Variants in GAPVD1 observed in about 807,000 individuals in gnomAD.
GAPVD1 encodes the protein GTPase activating protein and VPS9 domains 1, also known as GTPase-activating protein and VPS9 domain-containing protein 1.
Under a neutral mutation model 155.5 loss-of-function variants are expected in GAPVD1, and 35 were observed. That is an observed-to-expected ratio of 0.23 (90% CI 0.17 to 0.30). The LOEUF is 0.30. Among genes scored for constraint, GAPVD1 ranks in the 10% least tolerant of loss-of-function variants. The pLI is 1.00. For missense variants in GAPVD1, 1,429 were observed against 1,775.7 expected (o/e 0.80, Z 3.51); for synonymous variants, 636 against 619.7 (o/e 1.03, Z -0.39).
intron 8 of GAPVD1, 179 bp downstream of exon 8, chr9:125,308,059 T>C: frequency 1.6e-6 from 1 of 609,324 alleles, no homozygotes; most frequent in East Asian, 2.7e-5. Context: ...TTATCAGTAG[T>C]CTTTAGCTTT....
chr9:125,314,213 T>C (rs1175894256), intron 9 of GAPVD1, among the ~76,000 whole-genome samples: 1 of 152,216 alleles, frequency 6.6e-6, no homozygotes, highest in East Asian at 1.9e-4. Context: ...TTGAGATGTA[T>C]TTTGAGATAC....
At chr9:125,273,284 A>T (rs769136436) in intron 2 of GAPVD1, among the ~76,000 whole-genome samples, 1 of 152,120 alleles carries the variant, frequency 6.6e-6, no homozygotes, top group Non-Finnish European at 1.5e-5. Flanking sequence ...ATGGGGTATA[A>T]TTTTAATGCC....
At chr9:125,357,266 C>T (rs998823214) in intron 25 of GAPVD1, among the ~76,000 whole-genome samples, 2 of 152,146 alleles carry the variant, frequency 1.3e-5, no homozygotes, top group African/African-American at 4.8e-5. Context: ...CTAATATATG[C>T]TCATTATATA....
At chr9:125,345,242 G>A (rs1024696885) in intron 19 of GAPVD1, among the ~76,000 whole-genome samples, 13 of 151,106 alleles carry the variant, frequency 8.6e-5, no homozygotes, top group African/African-American at 1.9e-4. Flanking sequence ...GTGCAGTGGC[G>A]CGATCTCAGC....
rs1841094674 is a variant in GAPVD1 at position 125,302,701 on chromosome 9, G to C, written c.904G>C (p.Val302Leu). 6.2e-7 allele frequency: 1 copy of C among 1,610,632 alleles called. No individual in the cohort carries two copies. The highest frequency in any genetic ancestry group is 1.4e-5 in the African/African-American group (1 of 73,746). The stretch of plus-strand genomic sequence containing the variant: ...TGTAGATAGGCTGGAAGTTGGGGAG[G>C]TCAGGGCAATGTGTACTGATCTCCT... The part of the protein sequence containing the change: ...SCVDRLEVGE[V>L]RAMCTDLLLA... The change falls in exon 5 of 28, where the codon GTC (valine) becomes CTC (leucine). Residue 302 changes from valine (V) to leucine (L), a missense_variant. Val to Leu is a conservative substitution (Grantham distance 32). Coordinates refer to ENST00000297933, the MANE Select transcript of GAPVD1 (RefSeq NM_001282680.3).
chr9:125,333,409 G>A (rs935257730), intron 15 of GAPVD1, among the ~76,000 whole-genome samples: 1 of 150,612 alleles, frequency 6.6e-6, no homozygotes, highest in Non-Finnish European at 1.5e-5. Context: ...ACCTATGCAA[G>A]AAGTAAGTAC....
chr9:125,350,334 G>A lies in GAPVD1; in HGVS notation c.3339G>A (p.Ala1113=), dbSNP rs371619035. ...AACTGAGGCTTGCTCTTTGCTCTGC[G>A]GACTCTGTTGCCTTCCCAGTGCTGA... is the stretch of plus-strand genomic sequence containing the variant. The part of the protein sequence containing the change: ...KKKLRLALCS[A]DSVAFPVLTH... Residue 1113 remains alanine, a synonymous_variant, in exon 22 of 28, where the codon GCG becomes GCA. Transcript: ENST00000297933. 95 of 1,592,346 alleles carry A rather than the reference G, an allele frequency of 6.0e-5. No individual in the cohort carries two copies. The highest frequency in any genetic ancestry group is 1.2e-4 in the South Asian group (10 of 86,366).
intron 5 of GAPVD1, among the ~76,000 whole-genome samples, chr9:125,304,406 GT>G (rs952749126): frequency 5.3e-5 from 8 of 151,780 alleles, no homozygotes; most frequent in African/African-American, 1.2e-4. Flanking sequence ...TGTATTTGTA[GT>G]TTTTTTTGTT....
chr9:125,284,960 T>C (rs1837405360), intron 2 of GAPVD1, among the ~76,000 whole-genome samples: 1 of 152,230 alleles, frequency 6.6e-6, no homozygotes, highest in South Asian at 2.1e-4. Context: ...AAGGTCTTTA[T>C]GTGGCGCATG....
intron 2 of GAPVD1, among the ~76,000 whole-genome samples, chr9:125,288,813 TGGTC>T (rs1356275899): frequency 1.3e-5 from 2 of 152,202 alleles, no homozygotes; most frequent in African/African-American, 4.8e-5. Flanking sequence ...CTTACAGAGA[TGGTC>T]AATACATGAG....
intron 2 of GAPVD1, among the ~76,000 whole-genome samples, chr9:125,289,668 A>G (rs1237958671): frequency 6.6e-6 from 1 of 152,030 alleles, no homozygotes; most frequent in African/African-American, 2.4e-5. Context: ...TTTAATTTTG[A>G]GATGCGTATT....
intron 1 of GAPVD1, 31 bp downstream of exon 1, chr9:125,261,990 C>G (rs907925143): frequency 2.0e-5 from 3 of 152,580 alleles, no homozygotes; most frequent in Non-Finnish European, 4.4e-5. Flanking sequence ...AGTCCGCGGG[C>G]TGTGAGCGGC....
At chr9:125,347,188 CAG>C (rs896689845) in intron 20 of GAPVD1, among the ~76,000 whole-genome samples, 19 of 152,258 alleles carry the variant, frequency 1.2e-4, no homozygotes, top group African/African-American at 4.6e-4. Context: ...GACTGGCCCA[CAG>C]AGAGTTGGGG....
chr9:125,303,282 G>A (rs1841220747), intron 5 of GAPVD1, among the ~76,000 whole-genome samples: 1 of 151,468 alleles, frequency 6.6e-6, no homozygotes, highest in South Asian at 2.1e-4. Flanking sequence ...GCTTCCCAAA[G>A]TGCTGGGATT....
At chr9:125,292,546 C>T (rs1284372176) in intron 2 of GAPVD1, among the ~76,000 whole-genome samples, 6 of 152,042 alleles carry the variant, frequency 3.9e-5, no homozygotes, top group Non-Finnish European at 7.4e-5. Flanking sequence ...GTGTGCACCA[C>T]CAAGCCCGGC....
chr9:125,359,406 T>G lies in GAPVD1; in HGVS notation c.3972-14T>G, dbSNP rs773447182. Reference sequence around the variant, plus strand: ...GAAATGAATGTTTACATGTGTATTTTGGGGGGTTTTCAGGGTTCTTCATGA... The same window carrying G: ...GAAATGAATGTTTACATGTGTATTTGGGGGGGTTTTCAGGGTTCTTCATGA... On this transcript the variant is annotated splice_polypyrimidine_tract_variant and intron_variant, in intron 25 of 27. Transcript: ENST00000297933. 1.3e-6 allele frequency: 2 copies of G among 1,487,508 alleles called. No homozygotes were observed. Among genetic ancestry groups the G allele is most frequent in the South Asian group, 1.1e-5 (1 of 88,424 alleles). 92.1% of individuals were successfully genotyped at this position (1,487,508 alleles called of 1,614,324 possible).
intron 17 of GAPVD1, among the ~76,000 whole-genome samples, chr9:125,340,566 C>T (rs568069098): frequency 4.4e-4 from 67 of 152,252 alleles, no homozygotes; most frequent in African/African-American, 1.5e-3. Flanking sequence ...CTATGCTCAG[C>T]ATTTGGCACA....
At chr9:125,298,418 C>A (rs1840220940) in intron 3 of GAPVD1, among the ~76,000 whole-genome samples, 1 of 146,534 alleles carries the variant, frequency 6.8e-6, no homozygotes, top group African/African-American at 2.5e-5. Flanking sequence ...TGTAATACTT[C>A]TGTAATAAAA....
At chr9:125,352,748 A>G (rs1383130547) in intron 23 of GAPVD1, among the ~76,000 whole-genome samples, 1 of 152,168 alleles carries the variant, frequency 6.6e-6, no homozygotes, top group Non-Finnish European at 1.5e-5. Context: ...AGAAAATGGG[A>G]TTTTGTTTTC....
Sources: allele counts gnomAD v4.1 joint callset (sites outside exome capture counted in the v4.1 genomes callset), GRCh38; gene constraint gnomAD v4.1.1; transcripts MANE v1.5; gene names NCBI Gene and HGNC (gene_info 2026-07-23, HGNC 2026-07-21).